Variants in GUCY1A2 observed in about 807,000 individuals in gnomAD.
GUCY1A2 encodes guanylate cyclase soluble subunit alpha-2.
GUCY1A2 carries 27 observed loss-of-function variants against 63.5 expected under a neutral mutation model. That is an observed-to-expected ratio of 0.43 (90% CI 0.31 to 0.59). GUCY1A2 has a LOEUF of 0.59. Ranked by LOEUF, GUCY1A2 falls within the 20% of genes least tolerant of loss-of-function variation. GUCY1A2 has a pLI of 0.11. For missense variants in GUCY1A2, 768 were observed against 913.3 expected (o/e 0.84, Z 2.05); for synonymous variants, 364 against 343.5 (o/e 1.06, Z -0.66).
At position 106,708,598 on chromosome 11, in the gene GUCY1A2, G is replaced by T; in HGVS notation, c.1905C>A (p.Cys635Ter). 1 of 1,612,764 alleles carries T rather than the reference G, an allele frequency of 6.2e-7. No individual in the cohort carries two copies. Among genetic ancestry groups the T allele is most frequent in the Non-Finnish European group, 8.5e-7 (1 of 1,179,262 alleles). ...GVVGVRMPRY[C>*]LFGNNVTLAS... is the part of the protein sequence containing the mutation. Reference sequence around the variant, plus strand: ...CCAGTGTGACATTATTTCCAAACAGGCAATAACGTGGCATTCGCACCCCAA... The same window carrying T: ...CCAGTGTGACATTATTTCCAAACAGTCAATAACGTGGCATTCGCACCCCAA... The change falls in exon 7 of 8, where the codon TGC becomes TGA. Residue 635 changes from cysteine to a stop codon, truncating the protein, a stop_gained. Coordinates refer to ENST00000526355, the MANE Select transcript of GUCY1A2 (RefSeq NM_000855.3). LOFTEE classifies it high-confidence loss of function.
At chr11:106,827,223 G>T (rs1480337134) in intron 4 of GUCY1A2, 9 of 1,527,226 alleles carry the variant, frequency 5.9e-6, no homozygotes, top group Non-Finnish European at 8.2e-6. Flanking sequence ...ATTTAGATTT[G>T]CTTCTAGCTT....
intron 3 of GUCY1A2, among the ~76,000 whole-genome samples, chr11:106,960,906 T>C (rs998120093): frequency 6.6e-6 from 1 of 151,908 alleles, no homozygotes; most frequent in African/African-American, 2.4e-5. Flanking sequence ...ATACCACAAT[T>C]TCATGGAAAG....
chr11:106,787,415 G>GT (rs58710396), intron 5 of GUCY1A2, among the ~76,000 whole-genome samples: 44 of 135,960 alleles, frequency 3.2e-4, no homozygotes, highest in African/African-American at 1.0e-3. Flanking sequence ...GCCTTACTTT[G>GT]TTTTTTTTTT....
At position 106,967,015 on chromosome 11, in the gene GUCY1A2, T is replaced by A. The variant is rs544155175; in HGVS notation, c.487+11604A>T. Among the ~76,000 whole-genome samples, 8 of 152,254 alleles carry A rather than the reference T, an allele frequency of 5.3e-5. No homozygotes were observed. In the East Asian group the frequency reaches 1.5e-3, roughly 29 times the overall value. On this transcript the variant is annotated intron_variant, in intron 3 of 7. Coordinates refer to ENST00000526355, the MANE Select transcript of GUCY1A2 (RefSeq NM_000855.3). ...GAATGAAGAGGTGAATGAAGTCTCA[T>A]AAAATGGTGTGGGGAAGTACACAGA...
chr11:106,883,426 T>C (rs1208028311), intron 4 of GUCY1A2, among the ~76,000 whole-genome samples: 1 of 152,112 alleles, frequency 6.6e-6, no homozygotes, highest in Non-Finnish European at 1.5e-5. Flanking sequence ...GCACTTAGTG[T>C]GTGATGAACA....
At chr11:106,974,511 CA>C (rs1460965064) in intron 3 of GUCY1A2, among the ~76,000 whole-genome samples, 1 of 151,908 alleles carries the variant, frequency 6.6e-6, no homozygotes, top group African/African-American at 2.4e-5. Context: ...AGCAAAAAAT[CA>C]TTACTTATAA....
intron 2 of GUCY1A2, among the ~76,000 whole-genome samples, chr11:106,981,541 T>C (rs554329541): frequency 3.0e-4 from 46 of 152,080 alleles, no homozygotes; most frequent in Non-Finnish European, 3.7e-4. Flanking sequence ...TATTCTTTAT[T>C]GTTTAAAATA....
rs1862328583 is a variant in GUCY1A2, at chr11:106,675,394, C to T, written c.*12155G>A. On this transcript the variant is annotated 3_prime_UTR_variant, in exon 8 of 8. Coordinates refer to ENST00000526355, the MANE Select transcript of GUCY1A2 (RefSeq NM_000855.3). ...AACCTGAATTCCCTCATAGTCAAAACCTGCCATGATGATGTGAATTCATTT... is the reference window on the plus strand; with the variant it reads ...AACCTGAATTCCCTCATAGTCAAAATCTGCCATGATGATGTGAATTCATTT... 1 of 198,328 alleles carries T rather than the reference C, an allele frequency of 5.0e-6. No individual in the cohort carries two copies. The highest frequency in any genetic ancestry group is 2.3e-5 in the African/African-American group (1 of 43,210). 12.3% of individuals were successfully genotyped at this position (198,328 alleles called of 1,614,324 possible). A position where few individuals can be genotyped will look rare whatever the true frequency, so the allele number is the denominator to read the frequency against.
chr11:106,944,196 C>T (rs1338309435), intron 3 of GUCY1A2, among the ~76,000 whole-genome samples: 10 of 44,270 alleles, frequency 2.3e-4, no homozygotes, highest in Non-Finnish European at 3.7e-4. Context: ...GCCTGGGCAA[C>T]AGAGTGAGAC....
intron 4 of GUCY1A2, among the ~76,000 whole-genome samples, chr11:106,842,177 C>T (rs539429028): frequency 5.3e-5 from 8 of 152,058 alleles, no homozygotes; most frequent in African/African-American, 1.9e-4. Context: ...ACAGTGGGCC[C>T]TTCCCACTGT....
rs571204614 is a variant in GUCY1A2 at position 106,675,425 on chromosome 11, T to C, written c.*12124A>G. ...ATGATGATGTGAATTCATTTCCGCA[T>C]AGTCGGAATAATTTTTGCTCCAAAT... On this transcript the variant is annotated 3_prime_UTR_variant, in exon 8 of 8. Coordinates refer to ENST00000526355, the MANE Select transcript of GUCY1A2 (RefSeq NM_000855.3). The C allele has an allele frequency of 1.9e-3, 378 of 200,694 alleles. 4 individuals are homozygous for C. Among genetic ancestry groups the C allele is most frequent in the African/African-American group, 8.4e-3 (368 of 43,598 alleles). 12.4% of individuals were successfully genotyped at this position (200,694 alleles called of 1,614,324 possible). A position where few individuals can be genotyped will look rare whatever the true frequency, so the allele number is the denominator to read the frequency against.
At chr11:106,955,790 T>TAC (rs1470079580) in intron 3 of GUCY1A2, among the ~76,000 whole-genome samples, 1 of 152,104 alleles carries the variant, frequency 6.6e-6, no homozygotes, top group Non-Finnish European at 1.5e-5. Context: ...TTGATCTTCT[T>TAC]ACAGAGTATC....
intron 4 of GUCY1A2, among the ~76,000 whole-genome samples, chr11:106,899,795 G>C (rs1471673978): frequency 6.6e-6 from 1 of 152,020 alleles, no homozygotes; most frequent in Admixed American, 6.6e-5. Context: ...CCTACATTAA[G>C]AATCTATGGC....
chr11:106,852,205 CT>C (rs1454403320), intron 4 of GUCY1A2, among the ~76,000 whole-genome samples: 1 of 151,740 alleles, frequency 6.6e-6, no homozygotes, highest in Non-Finnish European at 1.5e-5. Flanking sequence ...CTAAGAGATT[CT>C]TTTTTATGGG....
At chr11:106,719,041 G>C (rs1863268016) in intron 6 of GUCY1A2, among the ~76,000 whole-genome samples, 1 of 152,048 alleles carries the variant, frequency 6.6e-6, no homozygotes, top group Non-Finnish European at 1.5e-5. Context: ...AAATCATTCT[G>C]TGATATTTTA....
intron 3 of GUCY1A2, among the ~76,000 whole-genome samples, chr11:106,973,864 T>C (rs1016003231): frequency 3.9e-5 from 6 of 152,126 alleles, no homozygotes; most frequent in African/African-American, 1.4e-4. Context: ...ATGTTCCATT[T>C]GTTTGTTATA....
intron 4 of GUCY1A2, among the ~76,000 whole-genome samples, chr11:106,833,362 C>A (rs1859076087): frequency 6.6e-6 from 1 of 152,094 alleles, no homozygotes; most frequent in Non-Finnish European, 1.5e-5. Context: ...CCTAAATAAT[C>A]TGTTCACTAG....
At chr11:106,704,060 T>G (rs1862863791) in intron 7 of GUCY1A2, among the ~76,000 whole-genome samples, 1 of 152,246 alleles carries the variant, frequency 6.6e-6, no homozygotes, top group East Asian at 1.9e-4. Flanking sequence ...AGGAATAAAC[T>G]GATTACTATC....
At chr11:106,855,072 T>C (rs551263221) in intron 4 of GUCY1A2, among the ~76,000 whole-genome samples, 8 of 152,076 alleles carry the variant, frequency 5.3e-5, no homozygotes, top group East Asian at 1.9e-4. Context: ...CAGGGAATAA[T>C]GTAGTCTGGT....
Sources: allele counts gnomAD v4.1 joint callset (sites outside exome capture counted in the v4.1 genomes callset), GRCh38; gene constraint gnomAD v4.1.1; transcripts MANE v1.5; gene names NCBI Gene and HGNC (gene_info 2026-07-23, HGNC 2026-07-21).